Variants in ADAM18 observed in about 807,000 individuals in gnomAD.
The protein encoded by ADAM18 is ADAM metallopeptidase domain 18.
A neutral mutation model predicts 94.4 loss-of-function variants in ADAM18; 117 were observed. The observed-to-expected ratio is 1.24, with a 90% CI of 1.07 to 1.45. The LOEUF (loss-of-function observed/expected upper bound fraction) is 1.45, where lower values mean the gene tolerates loss of function less well. Among genes scored for constraint, ADAM18 ranks in the 40% most tolerant of loss-of-function variants. The pLI is 0.00. For missense variants in ADAM18, 936 were observed against 880.0 expected (o/e 1.06, Z -0.81); for synonymous variants, 327 against 291.6 (o/e 1.12, Z -1.24).
At chr8:39,643,850 A>G (rs1291326903) in intron 10 of ADAM18, among the ~76,000 whole-genome samples, 1 of 150,946 alleles carries the variant, frequency 6.6e-6, no homozygotes, top group Non-Finnish European at 1.5e-5. Context: ...TCTCTGATCT[A>G]GTATCAAAAG....
intron 10 of ADAM18, among the ~76,000 whole-genome samples, chr8:39,640,324 T>C (rs1820202349): frequency 6.6e-6 from 1 of 152,106 alleles, no homozygotes; most frequent in South Asian, 2.1e-4. Flanking sequence ...GATAATGGCT[T>C]CCAGCTCCAT....
At chr8:39,624,288 A>G (rs531998600) in intron 6 of ADAM18, among the ~76,000 whole-genome samples, 1 of 152,178 alleles carries the variant, frequency 6.6e-6, no homozygotes, top group Admixed American at 6.5e-5. Context: ...TCAGGTGTTA[A>G]ATTTAAGTCT....
chr8:39,635,327 C>G (rs941989449), intron 7 of ADAM18, among the ~76,000 whole-genome samples: 1 of 152,104 alleles, frequency 6.6e-6, no homozygotes, highest in Non-Finnish European at 1.5e-5. Flanking sequence ...GTAACACATT[C>G]TTTTATCTTT....
At chr8:39,704,598 G>T (rs1822187614) in intron 17 of ADAM18, among the ~76,000 whole-genome samples, 2 of 151,764 alleles carry the variant, frequency 1.3e-5, no homozygotes, top group Non-Finnish European at 2.9e-5. Context: ...ACTTTGTTTT[G>T]GCTGGGGGGA....
At chr8:39,631,685 A>G (rs1275635464) in intron 7 of ADAM18, among the ~76,000 whole-genome samples, 2 of 151,802 alleles carry the variant, frequency 1.3e-5, no homozygotes, top group Admixed American at 6.6e-5. Context: ...TTTTGGAATC[A>G]CCCTCTAAAA....
chr8:39,618,504 AAC>A (rs148951919), intron 6 of ADAM18, among the ~76,000 whole-genome samples: 5,384 of 152,296 alleles, frequency 0.035, 241 homozygotes, highest in African/African-American at 0.11. Flanking sequence ...CTTAAACAGA[AAC>A]ACAGTCTTTC....
chr8:39,615,558 A>T (rs564881682), intron 6 of ADAM18, among the ~76,000 whole-genome samples: 1 of 152,290 alleles, frequency 6.6e-6, no homozygotes, highest in South Asian at 2.1e-4. Context: ...GTATTGAAGG[A>T]ACATACTTCA....
Position 39,698,952 on chromosome 8 carries a change from T to A in ADAM18, c.1902+6272T>A, listed in dbSNP as rs892308055. Among the ~76,000 whole-genome samples the A allele has an allele frequency of 3.3e-5, 5 of 152,080 alleles. No homozygotes were observed. In the East Asian group the frequency reaches 9.6e-4, roughly 29 times the overall value. On this transcript the variant is annotated intron_variant, in intron 17 of 19. Transcript: ENST00000265707. Reference sequence around the variant, plus strand: ...GCTTTAGAGAAATTTTTGAATTAGATTTTAGCTTAAGAATATGGAAAATGT... The same window carrying A: ...GCTTTAGAGAAATTTTTGAATTAGAATTTAGCTTAAGAATATGGAAAATGT...
At chr8:39,702,930 T>C (rs926243331) in intron 17 of ADAM18, among the ~76,000 whole-genome samples, 5 of 152,198 alleles carry the variant, frequency 3.3e-5, no homozygotes, top group Non-Finnish European at 7.4e-5. Flanking sequence ...GCCTCCAGCT[T>C]TGTTCTTTTT....
At chr8:39,612,272 A>G (rs575675493) in intron 6 of ADAM18, among the ~76,000 whole-genome samples, 6 of 152,164 alleles carry the variant, frequency 3.9e-5, no homozygotes, top group Non-Finnish European at 7.4e-5. Flanking sequence ...GGGTGGGTGG[A>G]GGGAGGATGT....
intron 14 of ADAM18, among the ~76,000 whole-genome samples, chr8:39,672,049 G>T (rs1369996262): frequency 6.6e-6 from 1 of 151,506 alleles, no homozygotes; most frequent in Non-Finnish European, 1.5e-5. Flanking sequence ...TTTCTACTAG[G>T]ATGGCTTCCA....
At chr8:39,691,322 AC>A (rs1821771497) in intron 16 of ADAM18, among the ~76,000 whole-genome samples, 1 of 152,160 alleles carries the variant, frequency 6.6e-6, no homozygotes, top group Non-Finnish European at 1.5e-5. Context: ...ACAAAAAGTA[AC>A]CCATGTTAGC....
chr8:39,702,858 C>A (rs1585997219), intron 17 of ADAM18, among the ~76,000 whole-genome samples: 1 of 152,238 alleles, frequency 6.6e-6, no homozygotes, highest in South Asian at 2.1e-4. Context: ...GTCCTTGTAC[C>A]AGTACTATGC....
In ADAM18 at chr8:39,645,492, T is replaced by C; in HGVS notation, c.1046+18T>C. On this transcript the variant is annotated intron_variant, in intron 11 of 19. Transcript: ENST00000265707. ...GAAGCAGTGTAAGATGTTTTCTTAA[T>C]TAATTTCATTTATATTTTTATAAGG... is the stretch of plus-strand genomic sequence containing the variant. 3 of 1,584,988 alleles carry C rather than the reference T, an allele frequency of 1.9e-6. No homozygotes were observed. The highest frequency in any genetic ancestry group is 2.6e-6 in the Non-Finnish European group (3 of 1,169,960).
intron 18 of ADAM18, among the ~76,000 whole-genome samples, chr8:39,710,459 AG>A (rs1208211887): frequency 6.6e-6 from 1 of 152,246 alleles, no homozygotes; most frequent in Non-Finnish European, 1.5e-5. Context: ...GAAGAAAGTC[AG>A]TACTTGTATC....
chr8:39,610,604 T>G lies in ADAM18; in HGVS notation c.420T>G (p.Ile140Met). ...VESSARFEHI[I>M]YQMKNNDPNV... Reference sequence around the variant, plus strand: ...CTTCAGCAAGATTTGAGCATATAATTTATCAAATGAAAAATAATGATCCAA... The same window carrying G: ...CTTCAGCAAGATTTGAGCATATAATGTATCAAATGAAAAATAATGATCCAA... The change falls in exon 6 of 20, where the codon ATT becomes ATG. Residue 140 changes from isoleucine to methionine, a missense_variant. By Grantham distance (10) the Ile-to-Met change is conservative. Transcript: ENST00000265707. The G allele has an allele frequency of 6.2e-7, 1 of 1,612,934 alleles. No individual in the cohort carries two copies. Among genetic ancestry groups the G allele is most frequent in the Non-Finnish European group, 8.5e-7 (1 of 1,179,296 alleles).
intron 2 of ADAM18, among the ~76,000 whole-genome samples, chr8:39,591,716 CT>C (rs772079165): frequency 1.6e-4 from 24 of 152,210 alleles, no homozygotes; most frequent in Non-Finnish European, 3.2e-4. Flanking sequence ...ATCTTAACCT[CT>C]TTCCATGAAT....
At chr8:39,695,221 T>G (rs1308630855) in intron 17 of ADAM18, among the ~76,000 whole-genome samples, 1 of 151,618 alleles carries the variant, frequency 6.6e-6, no homozygotes, top group Non-Finnish European at 1.5e-5. Context: ...GGTGTGGACA[T>G]AAGTTTTTAT....
chr8:39,667,449 A>T (rs535728898), intron 13 of ADAM18, among the ~76,000 whole-genome samples: 42 of 151,970 alleles, frequency 2.8e-4, no homozygotes, highest in Admixed American at 5.2e-4. Flanking sequence ...GCTATCATAT[A>T]TGCACACTGC....
Sources: gnomAD v4.1 joint callset for allele counts (sites outside exome capture counted in the v4.1 genomes callset) on GRCh38, gnomAD v4.1.1 for gene constraint, MANE v1.5 for transcripts, NCBI Gene and HGNC (gene_info 2026-07-23, HGNC 2026-07-21) for gene names.